The following ZHX3 variants were observed in gnomAD, a reference collection of about 807,000 sequenced individuals.
The protein encoded by ZHX3 is zinc fingers and homeoboxes protein 3.
Under a neutral mutation model 64.5 loss-of-function variants are expected in ZHX3, and 20 were observed. The observed-to-expected ratio is 0.31, with a 90% CI of 0.22 to 0.45. The LOEUF (loss-of-function observed/expected upper bound fraction) is 0.45, where lower values mean the gene tolerates loss of function less well. Among genes scored for constraint, ZHX3 ranks in the 20% least tolerant of loss-of-function variants. The pLI is 1.00. For missense variants in ZHX3, 1,041 were observed against 1,195.8 expected (o/e 0.87, Z 1.91); for synonymous variants, 423 against 461.6 (o/e 0.92, Z 1.07).
intron 1 of ZHX3, among the ~76,000 whole-genome samples, chr20:41,292,240 G>A (rs1046375931): frequency 1.8e-4 from 27 of 152,002 alleles, no homozygotes; most frequent in African/African-American, 5.8e-4. Flanking sequence ...CAACTTTTGT[G>A]ACACATTAGG....
chr20:41,278,124 C>G (rs939846349), intron 1 of ZHX3, among the ~76,000 whole-genome samples: 1 of 137,772 alleles, frequency 7.3e-6, no homozygotes, highest in African/African-American at 2.7e-5. Context: ...GGGCAGATCA[C>G]TTGAGGCCAG....
Position 41,184,023 on chromosome 20 carries a change from G to A in ZHX3, c.*1168C>T, listed in dbSNP as rs1013946274. On this transcript the variant is annotated 3_prime_UTR_variant, in exon 4 of 4. Transcript: ENST00000683867. ...CCCTTGGGCATGCATCCAGCACACC[G>A]GCCAGACCCTGGGGTGGGAGCCACG... 5.9e-5 allele frequency: 9 copies of A among 152,160 alleles called. No homozygotes were observed. The highest frequency in any genetic ancestry group is 1.0e-4 in the Non-Finnish European group (7 of 68,046). 9.4% of individuals were successfully genotyped at this position (152,160 alleles called of 1,614,324 possible).
chr20:41,194,344 A>T (rs1354894406), intron 3 of ZHX3, among the ~76,000 whole-genome samples: 1 of 152,116 alleles, frequency 6.6e-6, no homozygotes, highest in East Asian at 1.9e-4. Flanking sequence ...GATGTGTTTT[A>T]TTCTCTTTAT....
At chr20:41,208,894 T>A (rs1458298517) in intron 2 of ZHX3, among the ~76,000 whole-genome samples, 1 of 152,210 alleles carries the variant, frequency 6.6e-6, no homozygotes, top group Non-Finnish European at 1.5e-5. Flanking sequence ...AAAGAGCAAG[T>A]CAAATTGTCC....
At chr20:41,238,267 C>T (rs939835101) in intron 2 of ZHX3, among the ~76,000 whole-genome samples, 9 of 152,116 alleles carry the variant, frequency 5.9e-5, no homozygotes, top group Non-Finnish European at 1.3e-4. Context: ...TTAAATGAAG[C>T]TTAACATAGG....
At chr20:41,249,086 ACT>A (rs1242318648) in intron 2 of ZHX3, among the ~76,000 whole-genome samples, 2 of 152,256 alleles carry the variant, frequency 1.3e-5, no homozygotes, top group East Asian at 3.9e-4. Flanking sequence ...AGGATTTCTC[ACT>A]CTGATTTTTT....
At chr20:41,267,843 G>C (rs768809921) in intron 2 of ZHX3, among the ~76,000 whole-genome samples, 10 of 152,214 alleles carry the variant, frequency 6.6e-5, no homozygotes, top group Non-Finnish European at 1.5e-4. Flanking sequence ...ATGGCCAGCA[G>C]ACCAGTGTGA....
intron 1 of ZHX3, among the ~76,000 whole-genome samples, chr20:41,293,802 T>C (rs1428963720): frequency 6.6e-6 from 1 of 152,244 alleles, no homozygotes; most frequent in Non-Finnish European, 1.5e-5. Flanking sequence ...ATCTGAAAGA[T>C]TGTCTCAAGA....
intron 3 of ZHX3, chr20:41,196,926 A>G (rs1014015686): frequency 7.7e-5 from 13 of 168,374 alleles, no homozygotes; most frequent in Non-Finnish European, 1.4e-4. Flanking sequence ...CAAGTTCCCA[A>G]TAACCAGTGA....
intron 2 of ZHX3, among the ~76,000 whole-genome samples, chr20:41,206,288 G>A (rs1423427389): frequency 6.6e-6 from 1 of 152,200 alleles, no homozygotes; most frequent in Non-Finnish European, 1.5e-5. Flanking sequence ...GAATAAAGCT[G>A]GATGGAGAAT....
Position 41,204,843 on chromosome 20 carries a change from A to G in ZHX3, c.74T>C (p.Met25Thr), listed in dbSNP as rs1406925109. 3 of 1,596,598 alleles carry G rather than the reference A, an allele frequency of 1.9e-6. No individual in the cohort carries two copies. The highest frequency in any genetic ancestry group is 2.6e-6 in the Non-Finnish European group (3 of 1,170,898). The change falls in exon 3 of 4, where the codon ATG becomes ACG. Residue 25 changes from methionine (M) to threonine (T), a missense_variant. By Grantham distance (81) the Met-to-Thr change is moderately conservative. This residue lies in a region of ZHX3 where 358 missense variants were observed against 369.1 expected (regional missense o/e 0.97). Coordinates refer to ENST00000683867, the MANE Select transcript of ZHX3 (RefSeq NM_001384317.1). The surrounding 1 kb of genome is among the most constrained non-coding windows in gnomAD (Gnocchi z 6.6). The part of the protein sequence containing the change: ...VKTVVLQDAS[M>T]EAQPAETLPE... Reference sequence around the variant, plus strand: ...CAAGGTCTCAGCGGGCTGGGCCTCCATGCTGGCATCTTGCAACACCACAGT... The same window carrying G: ...CAAGGTCTCAGCGGGCTGGGCCTCCGTGCTGGCATCTTGCAACACCACAGT...
At chr20:41,316,779 C>T (rs569362189) in intron 1 of ZHX3, 1 of 152,386 alleles carries the variant, frequency 6.6e-6, no homozygotes, top group South Asian at 2.1e-4. Flanking sequence ...TACATCCCAT[C>T]CACTCCTCAA....
At chr20:41,207,607 C>T (rs1385572647) in intron 2 of ZHX3, among the ~76,000 whole-genome samples, 5 of 152,216 alleles carry the variant, frequency 3.3e-5, no homozygotes, top group African/African-American at 9.6e-5. Context: ...GGGTACATAA[C>T]GAAATGAAGG....
rs548249406 is a variant in ZHX3 at position 41,211,425 on chromosome 20, ACT to A, written c.-150-6361_-150-6360del. Reference sequence around the variant, plus strand: ...TGAAGGTGAGGGTAAACATAAACCCACTCTAACAACTTCTCACCCCTTCCCCC... The same window carrying A: ...TGAAGGTGAGGGTAAACATAAACCCACTAACAACTTCTCACCCCTTCCCCC... On this transcript the variant is annotated intron_variant, in intron 2 of 3. Transcript: ENST00000683867. 3.1e-3 allele frequency among the ~76,000 whole-genome samples: 475 copies of A among 152,234 alleles called. 1 individual carries two copies. Among genetic ancestry groups the A allele is most frequent in the African/African-American group, 0.011 (445 of 41,556 alleles).
intron 1 of ZHX3, among the ~76,000 whole-genome samples, chr20:41,313,404 G>C (rs535010972): frequency 1.3e-5 from 2 of 152,156 alleles, no homozygotes; most frequent in Admixed American, 6.5e-5. Flanking sequence ...AGATCATTTA[G>C]AGAGAGAATA....
intron 2 of ZHX3, among the ~76,000 whole-genome samples, chr20:41,241,826 AT>A (rs2041398968): frequency 6.6e-6 from 1 of 152,156 alleles, no homozygotes; most frequent in Non-Finnish European, 1.5e-5. Context: ...GACTCTGTAG[AT>A]TGCTTTGGGT....
At chr20:41,231,074 A>G (rs182418607) in intron 2 of ZHX3, among the ~76,000 whole-genome samples, 3 of 152,254 alleles carry the variant, frequency 2.0e-5, no homozygotes, top group Non-Finnish European at 4.4e-5. Context: ...TACTGTCTCT[A>G]TAGTTTTGCC....
At position 41,208,647 on chromosome 20, in the gene ZHX3, C is replaced by A. The variant is rs577926004; in HGVS notation, c.-150-3581G>T. Among the ~76,000 whole-genome samples the A allele has an allele frequency of 4.2e-4, 64 of 152,282 alleles. 1 individual carries two copies. The South Asian group carries it at 6.4e-3, about 15-fold the overall frequency. On this transcript the variant is annotated intron_variant, in intron 2 of 3. Coordinates refer to ENST00000683867, the MANE Select transcript of ZHX3 (RefSeq NM_001384317.1). ...CCTTTGACAAAATTCAACAGCCCTT[C>A]ATGCTAAAAACTCTCAATAAATTAG...
rs76657989 is a variant in ZHX3, at chr20:41,277,970, G to GAA, written c.-244-8889_-244-8888dup. On this transcript the variant is annotated intron_variant, in intron 1 of 3. Transcript: ENST00000683867. Reference sequence around the variant, plus strand: ...GGATGGAAAGATTAATTTAAGTGTGGAAAAAAAACTCCCCTGATTACAAGA... The same window carrying GAA: ...GGATGGAAAGATTAATTTAAGTGTGGAAAAAAAAAACTCCCCTGATTACAAGA... Among the ~76,000 whole-genome samples the GAA allele has an allele frequency of 3.1e-4, 43 of 136,784 alleles. 8 individuals carry two copies. The highest frequency in any genetic ancestry group is 1.2e-3 in the African/African-American group (42 of 35,902). 89.7% of individuals were successfully genotyped at this position (136,784 alleles called of 152,430 possible).
Sources: allele counts gnomAD v4.1 joint callset (sites outside exome capture counted in the v4.1 genomes callset), GRCh38; gene constraint gnomAD v4.1.1; regional missense constraint gnomAD v4.1.1; non-coding constraint Gnocchi (gnomAD v3.1); transcripts MANE v1.5; gene names NCBI Gene and HGNC (gene_info 2026-07-23, HGNC 2026-07-21).